DYNC2H1: variants seen among roughly 807,000 people sequenced by gnomAD.
DYNC2H1 encodes dynein cytoplasmic 2 heavy chain 1.
In DYNC2H1, 410 loss-of-function variants were observed where a neutral mutation model predicts 570.0. The observed-to-expected ratio is 0.72, with a 90% CI of 0.66 to 0.78. The LOEUF (loss-of-function observed/expected upper bound fraction) is 0.78. DYNC2H1 is among the 30% of genes least tolerant of loss of function. DYNC2H1 has a pLI of 0.00. For missense variants in DYNC2H1, 4,865 were observed against 5,046.4 expected (o/e 0.96, Z 1.09); for synonymous variants, 1,688 against 1,677.6 (o/e 1.01, Z -0.15).
At chr11:103,432,545 A>G (rs559516885) in intron 84 of DYNC2H1, among the ~76,000 whole-genome samples, 2 of 152,214 alleles carry the variant, frequency 1.3e-5, no homozygotes, top group Admixed American at 1.3e-4. Context: ...AGTTGTCTCC[A>G]CTGATTTACG....
chr11:103,479,124 G>A lies in DYNC2H1; in HGVS notation c.12795G>A (p.Glu4265=), dbSNP rs1339553669. ...QDACGPYSPD[E]CISLPVYTSA... ...CATGTGGTCCATATTCTCCGGATGA[G>A]TGCATCTCTTTGCCTGTTTACACAA... Residue 4265 remains glutamate (E), a synonymous_variant, in exon 89 of 89, where the codon GAG becomes GAA. Coordinates refer to ENST00000375735, the MANE Select transcript of DYNC2H1 (RefSeq NM_001377.3). 5.0e-6 allele frequency: 8 copies of A among 1,613,600 alleles called. No homozygotes were observed. The African/African-American group carries it at 9.4e-5, about 19-fold the overall frequency.
At chr11:103,303,348 C>A in intron 76 of DYNC2H1, 95 bp downstream of exon 76, 1 of 1,324,496 alleles carries the variant, frequency 7.6e-7, no homozygotes, top group Non-Finnish European at 1.0e-6. Flanking sequence ...TGTGATAAGC[C>A]AAATAATGCC....
At chr11:103,192,325 T>G (rs1233649613) in intron 47 of DYNC2H1, 61 bp downstream of exon 47, 59 of 1,274,942 alleles carry the variant, frequency 4.6e-5, no homozygotes, top group Non-Finnish European at 5.9e-5. Context: ...AATTTTTTCT[T>G]ACCCAGAGCA....
chr11:103,276,841 C>T (rs995225314), intron 70 of DYNC2H1, among the ~76,000 whole-genome samples: 1 of 152,022 alleles, frequency 6.6e-6, no homozygotes, highest in Non-Finnish European at 1.5e-5. Flanking sequence ...CATACGTGAT[C>T]CCTTTGCTTA....
intron 85 of DYNC2H1, among the ~76,000 whole-genome samples, chr11:103,440,470 C>T (rs1316661118): frequency 3.9e-5 from 6 of 152,176 alleles, no homozygotes; most frequent in Admixed American, 1.3e-4. Flanking sequence ...CGTTGCTCTA[C>T]TACCAAATCC....
intron 83 of DYNC2H1, among the ~76,000 whole-genome samples, chr11:103,392,836 G>A (rs1209654958): frequency 6.6e-6 from 1 of 150,772 alleles, no homozygotes; most frequent in African/African-American, 2.4e-5. Flanking sequence ...GATATTGTAT[G>A]TTATTCTTCA....
At chr11:103,188,101 C>T (rs922824009) in intron 43 of DYNC2H1, among the ~76,000 whole-genome samples, 12 of 151,682 alleles carry the variant, frequency 7.9e-5, no homozygotes, top group South Asian at 4.2e-4. Flanking sequence ...GAGTTTATTA[C>T]GGTATAGGTC....
At chr11:103,423,432 A>G (rs3021471) in intron 84 of DYNC2H1, among the ~76,000 whole-genome samples, 2 of 147,628 alleles carry the variant, frequency 1.4e-5, no homozygotes, top group Admixed American at 6.8e-5. Context: ...AAAAAAAAAA[A>G]AAAAAACCCT....
At chr11:103,437,361 C>G (rs928414747) in intron 85 of DYNC2H1, among the ~76,000 whole-genome samples, 4 of 152,128 alleles carry the variant, frequency 2.6e-5, no homozygotes, top group African/African-American at 9.7e-5. Context: ...AGGGGGTCTT[C>G]CCTTGTTCTT....
At chr11:103,270,534 C>A (rs960058859) in intron 70 of DYNC2H1, among the ~76,000 whole-genome samples, 1 of 151,742 alleles carries the variant, frequency 6.6e-6, no homozygotes, top group African/African-American at 2.4e-5. Flanking sequence ...TAAAATAGAA[C>A]AATTGTAACA....
At chr11:103,232,044 A>G (rs1446639851) in intron 60 of DYNC2H1, among the ~76,000 whole-genome samples, 1 of 152,034 alleles carries the variant, frequency 6.6e-6, no homozygotes, top group Non-Finnish European at 1.5e-5. Flanking sequence ...AATAATTCAC[A>G]TCATTTTTTC....
At chr11:103,415,819 T>C (rs1220860822) in intron 84 of DYNC2H1, among the ~76,000 whole-genome samples, 2 of 152,332 alleles carry the variant, frequency 1.3e-5, no homozygotes, top group East Asian at 1.9e-4. Flanking sequence ...CAAAGGATTA[T>C]AAATCATGCT....
Position 103,192,148 on chromosome 11 carries a change from C to A in DYNC2H1, c.7592C>A (p.Ala2531Glu). 6.4e-7 allele frequency: 1 copy of A among 1,562,876 alleles called. No homozygotes were observed. The highest frequency in any genetic ancestry group is 8.7e-7 in the Non-Finnish European group (1 of 1,150,606). ...GTGTTAGAAATTGTAGCATATGAGGCACGGCGCTTATTTCGTGACAAAATT... is the reference window on the plus strand; with the variant it reads ...GTGTTAGAAATTGTAGCATATGAGGAACGGCGCTTATTTCGTGACAAAATT... ...DYVLEIVAYEARRLFRDKIVG... is the reference protein window; with the variant it reads ...DYVLEIVAYEERRLFRDKIVG... The change falls in exon 47 of 89, where the codon GCA becomes GAA. Residue 2531 changes from alanine (A) to glutamate (E), a missense_variant. Ala to Glu is a moderately radical substitution (Grantham distance 107). Coordinates refer to ENST00000375735, the MANE Select transcript of DYNC2H1 (RefSeq NM_001377.3).
At chr11:103,462,814 C>G (rs1335945314) in intron 87 of DYNC2H1, among the ~76,000 whole-genome samples, 1 of 152,080 alleles carries the variant, frequency 6.6e-6, no homozygotes, top group Non-Finnish European at 1.5e-5. Context: ...TGTCTCTGGT[C>G]TTTGGCATAT....
intron 82 of DYNC2H1, among the ~76,000 whole-genome samples, 183 bp from the exon 83 acceptor site, chr11:103,358,060 C>G (rs1940439709): frequency 6.6e-6 from 1 of 152,118 alleles, no homozygotes; most frequent in Non-Finnish European, 1.5e-5. Context: ...GTTTTTTAAA[C>G]TGCTTAAATA....
chr11:103,148,804 A>G (rs1034910781), intron 20 of DYNC2H1, among the ~76,000 whole-genome samples, 187 bp downstream of exon 20: 3 of 152,056 alleles, frequency 2.0e-5, no homozygotes, highest in Admixed American at 6.6e-5. Context: ...CACGCCTGTA[A>G]TCTCAGTACT....
rs139671237 is a variant in DYNC2H1 at position 103,275,985 on chromosome 11, A to G, written c.10696-4363A>G. ...GTACCCTTTTGCATTCCTGCCAGCA[A>G]TTAATGAGGGTTTCTGTTGCTCAAC... On this transcript the variant is annotated intron_variant, in intron 70 of 88. Coordinates refer to ENST00000375735, the MANE Select transcript of DYNC2H1 (RefSeq NM_001377.3). The surrounding 1 kb of genome is among the most constrained non-coding windows in gnomAD (Gnocchi z 4.8). Among the ~76,000 whole-genome samples, 89 of 152,322 alleles carry G rather than the reference A, an allele frequency of 5.8e-4. No individual in the cohort carries two copies. Among genetic ancestry groups the G allele is most frequent in the Admixed American group, 1.1e-3 (17 of 15,296 alleles).
intron 88 of DYNC2H1, among the ~76,000 whole-genome samples, chr11:103,477,762 T>C (rs4754943): frequency 0.69 from 100,018 of 145,274 alleles, 34,705 homozygotes; most frequent in Middle Eastern, 0.83. Flanking sequence ...ACCCGGGAGG[T>C]GGAGCTTGCA....
chr11:103,120,602 T>A, intron 7 of DYNC2H1, 21 bp downstream of exon 7: 1 of 1,603,886 alleles, frequency 6.2e-7, no homozygotes, highest in Non-Finnish European at 8.5e-7. Flanking sequence ...TATTTGTTTA[T>A]GTCTGTACAG....
Sources: gnomAD v4.1 joint callset for allele counts (sites outside exome capture counted in the v4.1 genomes callset) on GRCh38, gnomAD v4.1.1 for gene constraint, Gnocchi (gnomAD v3.1) non-coding constraint, MANE v1.5 for transcripts, NCBI Gene and HGNC (gene_info 2026-07-23, HGNC 2026-07-21) for gene names.